Variants in NANOGP8 observed in about 807,000 individuals in gnomAD.
NANOGP8 encodes Nanog homeobox retrogene P8.
For synonymous variants in NANOGP8, 84 were observed against 125.9 expected (o/e 0.67, Z 2.23); for missense variants, 220 against 353.4 (o/e 0.62, Z 3.03).
chr15:35,083,805 G>T lies in NANOGP8; in HGVS notation c.*388C>A. Among the ~76,000 whole-genome samples the T allele has an allele frequency of 7.2e-6, 1 of 138,388 alleles. No homozygotes were observed. The highest frequency in any genetic ancestry group is 2.8e-5 in the African/African-American group (1 of 36,214). The allele number at this position is 138,388 out of a possible 152,430, so 90.8% of individuals were successfully genotyped here. ...ACTAAAAATACAAAATATTAGCCGG[G>T]CGAGGTGGCGGGCGCCTGTAGTCCC... On this transcript the variant is annotated 3_prime_UTR_variant, in exon 1 of 1. Transcript: ENST00000528386.
chr15:35,084,491 C>A lies in NANOGP8; in HGVS notation c.620G>T (p.Ser207Ile). The A allele has an allele frequency of 2.2e-5, 36 of 1,610,340 alleles. No individual in the cohort carries two copies. Among genetic ancestry groups the A allele is most frequent in the Non-Finnish European group, 3.1e-5 (36 of 1,178,348 alleles). The stretch of plus-strand genomic sequence containing the variant: ...GGACTGGATGTTCTGGGTCTGGTTG[C>A]TCCAGGTTGAATTGTTCCAGGTCTG... ...SNQTWNNSTWSNQTQNIQSWS... is the reference protein window; with the variant it reads ...SNQTWNNSTWINQTQNIQSWS... Residue 207 changes from serine (S) to isoleucine (I), a missense_variant, in exon 1 of 1, where the codon AGC (serine) becomes ATC (isoleucine). Coordinates refer to ENST00000528386, the MANE Select transcript of NANOGP8 (RefSeq NM_001355281.2).
Position 35,084,451 on chromosome 15 carries a change from G to C in NANOGP8, c.660C>G (p.Ser220=). The change falls in exon 1 of 1, where the codon TCC becomes TCG. Residue 220 remains serine, a synonymous_variant. Coordinates refer to ENST00000528386, the MANE Select transcript of NANOGP8 (RefSeq NM_001355281.2). Reference sequence around the variant, plus strand: ...GGGTGCACCAGGTCTGAGTGTTCCAGGAGTGGTTGCTCCAGGACTGGATGT... The same window carrying C: ...GGGTGCACCAGGTCTGAGTGTTCCACGAGTGGTTGCTCCAGGACTGGATGT... The part of the protein sequence containing the change: ...TQNIQSWSNH[S]WNTQTWCTQS... 3 of 1,607,616 alleles carry C rather than the reference G, an allele frequency of 1.9e-6. No individual in the cohort carries two copies. Among genetic ancestry groups the C allele is most frequent in the South Asian group, 2.2e-5 (2 of 90,508 alleles).
chr15:35,084,963 T>A lies in NANOGP8; in HGVS notation c.148A>T (p.Thr50Ser), dbSNP rs1403332445. Residue 50 changes from threonine (T) to serine (S), a missense_variant, in exon 1 of 1, where the codon ACT becomes TCT. By Grantham distance (58) the Thr-to-Ser change is moderately conservative. Coordinates refer to ENST00000528386, the MANE Select transcript of NANOGP8 (RefSeq NM_001355281.2). ...MSSAEMPHTE[T>S]VSPLPSSMDL... is the part of the protein sequence containing the mutation. ...ATGGAGGAAGGAAGAGGAGAGACAGTCTCTGTGTGAGGCATCTCAGCAGAA... is the reference window on the plus strand; with the variant it reads ...ATGGAGGAAGGAAGAGGAGAGACAGACTCTGTGTGAGGCATCTCAGCAGAA... The A allele has an allele frequency of 1.2e-6, 2 of 1,611,552 alleles. No homozygotes were observed. Among genetic ancestry groups the A allele is most frequent in the Admixed American group, 3.3e-5 (2 of 60,012 alleles).
chr15:35,085,105 A>C lies in NANOGP8; in HGVS notation c.6T>G (p.Ser2Arg). M[S>R]VDPACPQSLP... ...AGCTTTGGGGACAAGCTGGATCCAC[A>C]CTCATGTTAGTATAGAGGAAGAGGA... Residue 2 changes from serine (S) to arginine (R), a missense_variant, in exon 1 of 1, where the codon AGT becomes AGG. Coordinates refer to ENST00000528386, the MANE Select transcript of NANOGP8 (RefSeq NM_001355281.2). 6.5e-7 allele frequency: 1 copy of C among 1,547,606 alleles called. No homozygotes were observed. The highest frequency in any genetic ancestry group is 2.2e-5 in the East Asian group (1 of 44,592).
rs1194930253 is a variant in NANOGP8, at chr15:35,084,989, G to A, written c.122C>T (p.Ser41Phe). 28 of 1,609,886 alleles carry A rather than the reference G, an allele frequency of 1.7e-5. No homozygotes were observed. The highest frequency in any genetic ancestry group is 2.0e-5 in the Non-Finnish European group (24 of 1,177,794). Residue 41 changes from serine (S) to phenylalanine (F), a missense_variant, in exon 1 of 1, where the codon TCT (serine) becomes TTT (phenylalanine). By Grantham distance (155) the Ser-to-Phe change is radical. Transcript: ENST00000528386. The part of the protein sequence containing the change: ...PEENYPSLQM[S>F]SAEMPHTETV... ...CTCTGTGTGAGGCATCTCAGCAGAA[G>A]ACATTTGCAAGGATGGATAGTTTTC... is the stretch of plus-strand genomic sequence containing the variant.
At position 35,084,629 on chromosome 15, in the gene NANOGP8, T is replaced by G; in HGVS notation, c.482A>C (p.Asn161Thr). The part of the protein sequence containing the change: ...KRWQKNNWPK[N>T]SNGVTQKASA... ...GGCCTTCTGCGTCACACCATTGCTA[T>G]TCTTCGGCCAGTTGTTTTTCTGCCA... Residue 161 changes from asparagine (N) to threonine (T), a missense_variant, in exon 1 of 1, where the codon AAT becomes ACT. Physicochemically the swap from Asn to Thr is moderately conservative, Grantham distance 65. Transcript: ENST00000528386. The G allele has an allele frequency of 6.2e-7, 1 of 1,614,028 alleles. No individual in the cohort carries two copies. The highest frequency in any genetic ancestry group is 8.5e-7 in the Non-Finnish European group (1 of 1,179,888).
Position 35,085,070 on chromosome 15 carries a change from A to C in NANOGP8, c.41T>G (p.Phe14Cys). The C allele has an allele frequency of 6.3e-7, 1 of 1,578,956 alleles. No individual in the cohort carries two copies. The highest frequency in any genetic ancestry group is 8.7e-7 in the Non-Finnish European group (1 of 1,149,824). Residue 14 changes from phenylalanine (F) to cysteine (C), a missense_variant, in exon 1 of 1, where the codon TTT becomes TGT. Transcript: ENST00000528386. ...AGATTCTTTACAGTCGGATTCTTCA[A>C]AGCAAGGCAAGCTTTGGGGACAAGC... is the stretch of plus-strand genomic sequence containing the variant. ...DPACPQSLPC[F>C]EESDCKESSP...
rs1192505447 is a variant in NANOGP8, at chr15:35,083,962, A to G, written c.*231T>C. Among the ~76,000 whole-genome samples, 1 of 124,258 alleles carries G rather than the reference A, an allele frequency of 8.0e-6. No homozygotes were observed. Among genetic ancestry groups the G allele is most frequent in the African/African-American group, 3.2e-5 (1 of 30,996 alleles). 81.5% of individuals were successfully genotyped at this position (124,258 alleles called of 152,430 possible). On this transcript the variant is annotated 3_prime_UTR_variant, in exon 1 of 1. Coordinates refer to ENST00000528386, the MANE Select transcript of NANOGP8 (RefSeq NM_001355281.2). ...CTCCGTCTCAAAAAAAAAAAAAAAAAAAAGTATTTTCTCCAGGAAGATCCA... is the reference window on the plus strand; with the variant it reads ...CTCCGTCTCAAAAAAAAAAAAAAAAGAAAGTATTTTCTCCAGGAAGATCCA...
At position 35,084,794 on chromosome 15, in the gene NANOGP8, T is replaced by C; in HGVS notation, c.317A>G (p.Gln106Arg). ...AAATCTATCATTGAGTACACACAGC[T>C]GGGTGGAAGAGAACACAGTTCTGGT... ...QKTRTVFSST[Q>R]LCVLNDRFQR... Residue 106 changes from glutamine (Q) to arginine (R), a missense_variant, in exon 1 of 1, where the codon CAG becomes CGG. Physicochemically the swap from Gln to Arg is conservative, Grantham distance 43 (BLOSUM62 1). Coordinates refer to ENST00000528386, the MANE Select transcript of NANOGP8 (RefSeq NM_001355281.2). 1 of 1,614,052 alleles carries C rather than the reference T, an allele frequency of 6.2e-7. No individual in the cohort carries two copies. Among genetic ancestry groups the C allele is most frequent in the Non-Finnish European group, 8.5e-7 (1 of 1,179,918 alleles).
chr15:35,084,887 T>C lies in NANOGP8; in HGVS notation c.224A>G (p.Lys75Arg), dbSNP rs966721543. 105 of 1,613,612 alleles carry C rather than the reference T, an allele frequency of 6.5e-5. No individual in the cohort carries two copies. Among genetic ancestry groups the C allele is most frequent in the Admixed American group, 1.7e-4 (10 of 60,010 alleles). Residue 75 changes from lysine to arginine, a missense_variant, in exon 1 of 1, where the codon AAA (lysine) becomes AGA (arginine). Lys to Arg is a conservative substitution (Grantham distance 26, BLOSUM62 2). Coordinates refer to ENST00000528386, the MANE Select transcript of NANOGP8 (RefSeq NM_001355281.2). Reference sequence around the variant, plus strand: ...ACTATTCTCTGCAGAAGTGGGTTGTTTGCCTTTGGGACTGGTGGAAGAATC... The same window carrying C: ...ACTATTCTCTGCAGAAGTGGGTTGTCTGCCTTTGGGACTGGTGGAAGAATC... ...SPDSSTSPKG[K>R]QPTSAENSVA...
chr15:35,083,431 C>T lies in NANOGP8; in HGVS notation c.*762G>A, dbSNP rs1457739621. Among the ~76,000 whole-genome samples the T allele has an allele frequency of 2.6e-5, 4 of 152,008 alleles. No individual in the cohort carries two copies. Among genetic ancestry groups the T allele is most frequent in the Admixed American group, 6.6e-5 (1 of 15,256 alleles). ...GGATATAGCAAAACAGAGCCAAAAA[C>T]GGTAAGAAATCAATTAAGTATGTTA... On this transcript the variant is annotated 3_prime_UTR_variant, in exon 1 of 1. Transcript: ENST00000528386.
chr15:35,084,563 T>C lies in NANOGP8; in HGVS notation c.548A>G (p.Gln183Arg). Residue 183 changes from glutamine to arginine, a missense_variant, in exon 1 of 1, where the codon CAG becomes CGG. Gln to Arg is a conservative substitution (Grantham distance 43, BLOSUM62 1). Coordinates refer to ENST00000528386, the MANE Select transcript of NANOGP8 (RefSeq NM_001355281.2). ...TYPSLYSSYH[Q>R]GCLVNPTGNL... Reference sequence around the variant, plus strand: ...CCCAGTCGGGTTCACCAGGCATCCCTGGTGGTAGGAAGAGTAGAGGCTGGG... The same window carrying C: ...CCCAGTCGGGTTCACCAGGCATCCCCGGTGGTAGGAAGAGTAGAGGCTGGG... 1 of 1,613,846 alleles carries C rather than the reference T, an allele frequency of 6.2e-7. No individual in the cohort carries two copies. The highest frequency in any genetic ancestry group is 8.5e-7 in the Non-Finnish European group (1 of 1,179,802).
Position 35,084,027 on chromosome 15 carries a change from G to C in NANOGP8, c.*166C>G, listed in dbSNP as rs1200333785. Among the ~76,000 whole-genome samples, 75 of 115,430 alleles carry C rather than the reference G, an allele frequency of 6.5e-4. No homozygotes were observed. Among genetic ancestry groups the C allele is most frequent in the African/African-American group, 2.1e-3 (67 of 31,764 alleles). 75.7% of individuals were successfully genotyped at this position (115,430 alleles called of 152,430 possible). A position where few individuals can be genotyped will look rare whatever the true frequency, so the allele number is the denominator to read the frequency against. On this transcript the variant is annotated 3_prime_UTR_variant, in exon 1 of 1. Coordinates refer to ENST00000528386, the MANE Select transcript of NANOGP8 (RefSeq NM_001355281.2). ...AAAAAAAAGAAACCTCGCTGATTAG[G>C]CTCCAACCATACTCCACCCTCCATG...
At position 35,083,675 on chromosome 15, in the gene NANOGP8, G is replaced by A. The variant is rs2050900010; in HGVS notation, c.*518C>T. 6.6e-6 allele frequency among the ~76,000 whole-genome samples: 1 copy of A among 152,004 alleles called. No individual in the cohort carries two copies. The highest frequency in any genetic ancestry group is 2.4e-5 in the African/African-American group (1 of 41,358). On this transcript the variant is annotated 3_prime_UTR_variant, in exon 1 of 1. Coordinates refer to ENST00000528386, the MANE Select transcript of NANOGP8 (RefSeq NM_001355281.2). Reference sequence around the variant, plus strand: ...AAATGTCTTTTCTAGGCAGGGCGCGGTGGCTCACGCCTGTAAATCCCAGCT... The same window carrying A: ...AAATGTCTTTTCTAGGCAGGGCGCGATGGCTCACGCCTGTAAATCCCAGCT...
rs146363687 is a variant in NANOGP8, at chr15:35,084,908, G to T, written c.203C>A (p.Ser68Tyr). 74,593 of 1,611,574 alleles carry T rather than the reference G, an allele frequency of 0.046. 1,290 individuals carry two copies. The highest frequency in any genetic ancestry group is 0.052 in the Non-Finnish European group (60,706 of 1,178,366). ...MDLLIQDSPD[S>Y]STSPKGKQPT... ...TTGTTTGCCTTTGGGACTGGTGGAA[G>T]AATCAGGGCTGTCCTGAATAAGCAG... Residue 68 changes from serine to tyrosine, a missense_variant, in exon 1 of 1, where the codon TCT becomes TAT. By Grantham distance (144) the Ser-to-Tyr change is moderately radical. Coordinates refer to ENST00000528386, the MANE Select transcript of NANOGP8 (RefSeq NM_001355281.2).
chr15:35,083,550 T>C lies in NANOGP8; in HGVS notation c.*643A>G, dbSNP rs1217015552. Among the ~76,000 whole-genome samples, 1 of 152,032 alleles carries C rather than the reference T, an allele frequency of 6.6e-6. No homozygotes were observed. Among genetic ancestry groups the C allele is most frequent in the Admixed American group, 6.5e-5 (1 of 15,280 alleles). On this transcript the variant is annotated 3_prime_UTR_variant, in exon 1 of 1. Transcript: ENST00000528386. ...TACATCTTCATCACCAATTTGTACT[T>C]GTATTTCTTATTCTTGAGGTTAGAT...
At position 35,083,701 on chromosome 15, in the gene NANOGP8, G is replaced by C. The variant is rs1453815214; in HGVS notation, c.*492C>G. Among the ~76,000 whole-genome samples the C allele has an allele frequency of 2.6e-5, 4 of 152,028 alleles. No individual in the cohort carries two copies. Among genetic ancestry groups the C allele is most frequent in the East Asian group, 1.9e-4 (1 of 5,154 alleles). On this transcript the variant is annotated 3_prime_UTR_variant, in exon 1 of 1. Coordinates refer to ENST00000528386, the MANE Select transcript of NANOGP8 (RefSeq NM_001355281.2). ...TGGCTCACGCCTGTAAATCCCAGCT[G>C]TTAGGGAGGCCGAGGCGGGCGGATC... is the stretch of plus-strand genomic sequence containing the variant.
rs1481086244 is a variant in NANOGP8, at chr15:35,083,713, G to A, written c.*480C>T. ...GTAAATCCCAGCTGTTAGGGAGGCC[G>A]AGGCGGGCGGATCACAAGGTCAGGA... is the stretch of plus-strand genomic sequence containing the variant. On this transcript the variant is annotated 3_prime_UTR_variant, in exon 1 of 1. Coordinates refer to ENST00000528386, the MANE Select transcript of NANOGP8 (RefSeq NM_001355281.2). 1.2e-4 allele frequency among the ~76,000 whole-genome samples: 18 copies of A among 152,128 alleles called. No individual in the cohort carries two copies. The highest frequency in any genetic ancestry group is 3.4e-3 in the Middle Eastern group (1 of 294).
Position 35,083,432 on chromosome 15 carries a change from G to A in NANOGP8, c.*761C>T, listed in dbSNP as rs2050898565. Among the ~76,000 whole-genome samples, 4 of 152,046 alleles carry A rather than the reference G, an allele frequency of 2.6e-5. No homozygotes were observed. Among genetic ancestry groups the A allele is most frequent in the Middle Eastern group, 3.4e-3 (1 of 294 alleles). ...GATATAGCAAAACAGAGCCAAAAAC[G>A]GTAAGAAATCAATTAAGTATGTTAC... On this transcript the variant is annotated 3_prime_UTR_variant, in exon 1 of 1. Transcript: ENST00000528386.
Sources: allele counts gnomAD v4.1 joint callset (sites outside exome capture counted in the v4.1 genomes callset), GRCh38; gene constraint gnomAD v4.1.1; transcripts MANE v1.5; gene names NCBI Gene and HGNC (gene_info 2026-07-23, HGNC 2026-07-21).